Variants in SNX13 observed in about 807,000 individuals in gnomAD.
SNX13 encodes sorting nexin 13.
In SNX13, 45 loss-of-function variants were observed where a neutral mutation model predicts 133.6. The observed-to-expected ratio is 0.34, with a 90% confidence interval of 0.27 to 0.43. SNX13 has a LOEUF of 0.43. Ranked by LOEUF, SNX13 falls within the 20% of genes least tolerant of loss-of-function variation. The pLI is 1.00. For missense variants in SNX13, 1,032 were observed against 1,145.1 expected, an observed-to-expected ratio of 0.90 and a Z score of 1.43; for synonymous variants, 414 against 373.9, an observed-to-expected ratio of 1.11 and a Z score of -1.24.
intron 20 of SNX13, among the ~76,000 whole-genome samples, chr7:17,804,758 A>G (rs1784998741): frequency 6.6e-6 from 1 of 152,156 alleles, no homozygotes; most frequent in African/African-American, 2.4e-5. Context: ...ATTGTTAAGT[A>G]TCATAAAAGC....
rs924598812 is a variant in SNX13, at chr7:17,880,347, T to C, written c.441-4557A>G. On this transcript the variant is annotated intron_variant, in intron 5 of 25. Coordinates refer to ENST00000428135, the MANE Select transcript of SNX13 (RefSeq NM_015132.5). ...TCCAAAGCAAGTGACTTGGTTTTCA[T>C]AGAAACTACCTTGTCATATTCATAT... The C allele has an allele frequency of 2.0e-5, 3 of 152,252 alleles. 1 individual carries two copies. Among genetic ancestry groups the C allele is most frequent in the Admixed American group, 2.0e-4 (3 of 15,282 alleles). The allele number at this position is 152,252 out of a possible 1,614,324, so 9.4% of individuals were successfully genotyped here.
chr7:17,886,440 C>A (rs1034472878), intron 5 of SNX13, among the ~76,000 whole-genome samples: 2 of 151,802 alleles, frequency 1.3e-5, no homozygotes, highest in South Asian at 2.1e-4. Flanking sequence ...TAGTGGCGTG[C>A]GCTTATAATA....
chr7:17,834,478 G>C (rs1788906869), intron 14 of SNX13, among the ~76,000 whole-genome samples: 1 of 151,836 alleles, frequency 6.6e-6, no homozygotes, highest in Non-Finnish European at 1.5e-5. Context: ...GAATTTGAAA[G>C]ACATGTTATT....
chr7:17,840,537 A>T (rs766436130), intron 12 of SNX13, among the ~76,000 whole-genome samples: 2 of 152,058 alleles, frequency 1.3e-5, no homozygotes, highest in South Asian at 4.1e-4. Flanking sequence ...CAGGTTATAT[A>T]CATTGTATGT....
chr7:17,819,261 T>C (rs542935489), intron 18 of SNX13, among the ~76,000 whole-genome samples: 105 of 152,272 alleles, frequency 6.9e-4, no homozygotes, highest in African/African-American at 2.4e-3. Flanking sequence ...ATCCATTCAT[T>C]TATGGAACAG....
At chr7:17,858,954 T>C (rs887877494) in intron 9 of SNX13, among the ~76,000 whole-genome samples, 1 of 152,046 alleles carries the variant, frequency 6.6e-6, no homozygotes, top group Non-Finnish European at 1.5e-5. Context: ...CACATAAAAA[T>C]GTGAGATAAA....
At chr7:17,819,979 A>C (rs1787107098) in intron 18 of SNX13, among the ~76,000 whole-genome samples, 1 of 152,192 alleles carries the variant, frequency 6.6e-6, no homozygotes, top group Non-Finnish European at 1.5e-5. Context: ...TGTTTGAAAA[A>C]GAAATTGTGC....
chr7:17,799,279 G>T, intron 22 of SNX13, 125 bp from the exon 23 acceptor site: 1 of 758,344 alleles, frequency 1.3e-6, no homozygotes, highest in Non-Finnish European at 2.0e-6. Flanking sequence ...TTTAGCCTTT[G>T]TAACTTGACA....
chr7:17,855,034 C>T (rs143723042), intron 9 of SNX13, among the ~76,000 whole-genome samples: 1 of 152,116 alleles, frequency 6.6e-6, no homozygotes, highest in Admixed American at 6.5e-5. Context: ...TGCTCCAGAA[C>T]AGATGAATGA....
At chr7:17,901,263 G>A (rs1797802130) in intron 1 of SNX13, among the ~76,000 whole-genome samples, 1 of 152,090 alleles carries the variant, frequency 6.6e-6, no homozygotes, top group Non-Finnish European at 1.5e-5. Flanking sequence ...TCCCGGACCT[G>A]CAAGCTGCAC....
rs112052701 is a variant in SNX13 at position 17,830,536 on chromosome 7, A to G, written c.1598-489T>C. 6.1e-5 allele frequency: 60 copies of G among 984,070 alleles called. 4 individuals are homozygous for G. In the African/African-American group the frequency reaches 6.5e-4, roughly 11 times the overall value. The allele number at this position is 984,070 out of a possible 1,614,324, so 61.0% of individuals were successfully genotyped here. A position where few individuals can be genotyped will look rare whatever the true frequency, so the allele number is the denominator to read the frequency against. The stretch of plus-strand genomic sequence containing the variant: ...ATTAAGTCCTCTTATTCTTGGTGGT[A>G]GATTATCTTGAAAACACTGGAAGTC... On this transcript the variant is annotated intron_variant, in intron 15 of 25. Transcript: ENST00000428135.
chr7:17,879,443 A>G (rs1247304403), intron 5 of SNX13: 1 of 152,248 alleles, frequency 6.6e-6, no homozygotes, highest in African/African-American at 2.4e-5. Context: ...GAGGCACTCA[A>G]TGCATATTGA....
chr7:17,851,259 G>C (rs1055584541), intron 9 of SNX13, among the ~76,000 whole-genome samples: 2 of 152,178 alleles, frequency 1.3e-5, no homozygotes, highest in Non-Finnish European at 2.9e-5. Context: ...CTGAGCAAAA[G>C]ATATGGTCAG....
rs751696646 is a variant in SNX13 at position 17,845,617 on chromosome 7, A to G, written c.1143T>C (p.Asn381=). The G allele has an allele frequency of 2.3e-5, 36 of 1,597,640 alleles. No homozygotes were observed. The Admixed American group carries it at 5.9e-4, about 26-fold the overall frequency. The change falls in exon 12 of 26, where the codon AAT becomes AAC. Residue 381 remains asparagine (N), a synonymous_variant. Transcript: ENST00000428135. ...TVPLDSILVD[N]VALQFFMDYM... The stretch of plus-strand genomic sequence containing the variant: ...TACCCATAAAAAATTGTAGTGCAAC[A>G]TTGTCTACAAGAATGCTGTCCAGGG...
chr7:17,844,655 C>T (rs552344620), intron 12 of SNX13, among the ~76,000 whole-genome samples: 19 of 151,692 alleles, frequency 1.3e-4, no homozygotes, highest in African/African-American at 4.1e-4. Context: ...CCATAAAATA[C>T]TAGCAAAACA....
At chr7:17,888,215 A>G (rs572079511) in intron 5 of SNX13, 4 of 152,498 alleles carry the variant, frequency 2.6e-5, no homozygotes, top group African/African-American at 9.6e-5. Context: ...GCAGCCTCTA[A>G]AGTAGTTATT....
chr7:17,845,558 A>T, intron 12 of SNX13, 37 bp downstream of exon 12: 2 of 1,324,654 alleles, frequency 1.5e-6, no homozygotes, highest in South Asian at 2.8e-5. Flanking sequence ...AAAGAAATTC[A>T]ATGGCTGTAT....
At chr7:17,826,145 G>A in intron 16 of SNX13, 54 bp from the exon 17 acceptor site, 1 of 1,191,206 alleles carries the variant, frequency 8.4e-7, no homozygotes, top group Non-Finnish European at 1.2e-6. Context: ...GGAAAAAAAA[G>A]AGTAAAGAAT....
At chr7:17,881,711 A>C (rs1014136802) in intron 5 of SNX13, 3 of 152,110 alleles carry the variant, frequency 2.0e-5, no homozygotes, top group Non-Finnish European at 4.4e-5. Flanking sequence ...CTCTTAATTC[A>C]CTATTAGAAA....
Sources: gnomAD v4.1 joint callset for allele counts (sites outside exome capture counted in the v4.1 genomes callset) on GRCh38, gnomAD v4.1.1 for gene constraint, MANE v1.5 for transcripts, NCBI Gene and HGNC (gene_info 2026-07-23, HGNC 2026-07-21) for gene names.